Variants in STK3 observed in about 807,000 individuals in gnomAD.
STK3 encodes the protein serine/threonine-protein kinase 3.
STK3 carries 41 observed loss-of-function variants against 58.0 expected under a neutral mutation model. The observed-to-expected ratio is 0.71, with a 90% confidence interval of 0.55 to 0.92. STK3 has a LOEUF of 0.92. Ranked by LOEUF, STK3 falls within the 40% of genes least tolerant of loss-of-function variation. STK3 has a pLI of 0.00. For missense variants in STK3, 479 were observed against 602.7 expected (o/e 0.79, Z 2.15); for synonymous variants, 170 against 191.0 (o/e 0.89, Z 0.91).
intron 1 of STK3, among the ~76,000 whole-genome samples, chr8:98,897,379 A>G (rs891246727): frequency 7.2e-5 from 11 of 152,162 alleles, no homozygotes; most frequent in Non-Finnish European, 1.0e-4. Flanking sequence ...AACACGGTGA[A>G]ACCCTGTCTC....
chr8:98,771,566 C>T lies in STK3; in HGVS notation c.107+3173G>A, dbSNP rs917361675. ...AAGCTTTTATATATACAAACATATA[C>T]GTATCTTTTTTTTTTTGAGACAGAG... On this transcript the variant is annotated intron_variant, in intron 2 of 10. Transcript: ENST00000419617. 9.2e-5 allele frequency among the ~76,000 whole-genome samples: 14 copies of T among 151,748 alleles called. No homozygotes were observed. The East Asian group carries it at 2.3e-3, about 25-fold the overall frequency.
intron 6 of STK3, among the ~76,000 whole-genome samples, chr8:98,683,569 A>T (rs921535274): frequency 6.6e-6 from 1 of 152,154 alleles, no homozygotes; most frequent in African/African-American, 2.4e-5. Context: ...GAAATACGAC[A>T]ACTATATCAA....
chr8:98,477,011 A>T (rs570777616), intron 10 of STK3, among the ~76,000 whole-genome samples: 8 of 152,358 alleles, frequency 5.3e-5, no homozygotes, highest in Non-Finnish European at 1.0e-4. Context: ...CGTGTGAAAG[A>T]CAGCCTCCCT....
At chr8:98,925,364 A>C (rs1253867661) in intron 1 of STK3, among the ~76,000 whole-genome samples, 2 of 152,260 alleles carry the variant, frequency 1.3e-5, no homozygotes, top group Non-Finnish European at 2.9e-5. Context: ...CAATTACTGA[A>C]AATCTAAAGA....
chr8:98,893,462 GAA>G lies in STK3; in HGVS notation c.-78-9630_-78-9629del, dbSNP rs1413348065. Among the ~76,000 whole-genome samples, 388 of 89,744 alleles carry G rather than the reference GAA, an allele frequency of 4.3e-3. 1 individual carries two copies. The highest frequency in any genetic ancestry group is 7.8e-3 in the African/African-American group (151 of 19,302). The allele number at this position is 89,744 out of a possible 152,430, so 58.9% of individuals were successfully genotyped here. On this transcript the variant is annotated intron_variant, in intron 1 of 1. Transcript: ENST00000519420. ...AGAAAGAAAGAAAGAAAGAAAGAAA[GAA>G]AGAAAGAAAGAAAGAAAGAAAGAGA...
intron 3 of STK3, among the ~76,000 whole-genome samples, chr8:98,422,966 C>G (rs989692711): frequency 1.3e-5 from 2 of 152,172 alleles, no homozygotes; most frequent in Non-Finnish European, 2.9e-5. Context: ...TAAAATCTCC[C>G]CAGGTGATTC....
At chr8:98,734,005 A>C (rs1300069079) in intron 4 of STK3, among the ~76,000 whole-genome samples, 1 of 152,150 alleles carries the variant, frequency 6.6e-6, no homozygotes, top group East Asian at 1.9e-4. Flanking sequence ...ATCATGACGG[A>C]AGGGCAAAGG....
At chr8:98,592,530 T>C (rs1402927019) in intron 7 of STK3, among the ~76,000 whole-genome samples, 1 of 152,114 alleles carries the variant, frequency 6.6e-6, no homozygotes, top group Non-Finnish European at 1.5e-5. Context: ...GTTTTTTGTG[T>C]GTTTTTGGGG....
chr8:98,893,704 T>A (rs1435737511), intron 1 of STK3, among the ~76,000 whole-genome samples: 1 of 151,902 alleles, frequency 6.6e-6, no homozygotes, highest in Admixed American at 6.6e-5. Context: ...GAAAGGTGGT[T>A]TTCCTCTGCA....
intron 6 of STK3, among the ~76,000 whole-genome samples, chr8:98,631,398 C>T (rs1587092360): frequency 6.6e-6 from 1 of 152,154 alleles, no homozygotes; most frequent in Admixed American, 6.5e-5. Flanking sequence ...TATCCAGCTC[C>T]AGCCACTTAA....
intron 9 of STK3, among the ~76,000 whole-genome samples, chr8:98,530,440 T>G (rs139024883): frequency 6.6e-6 from 1 of 152,136 alleles, no homozygotes; most frequent in Admixed American, 6.6e-5. Context: ...TGTTTAGGAG[T>G]GACATCAGAA....
At chr8:98,470,175 A>T (rs1035707489) in intron 10 of STK3, among the ~76,000 whole-genome samples, 6 of 152,232 alleles carry the variant, frequency 3.9e-5, no homozygotes, top group African/African-American at 1.2e-4. Flanking sequence ...CCACATGCAA[A>T]GAAATTACCT....
At chr8:98,858,321 TATAGAGAGAGAG>T (rs1174906575) in intron 3 of STK3, among the ~76,000 whole-genome samples, 1 of 31,870 alleles carries the variant, frequency 3.1e-5, no homozygotes, top group Non-Finnish European at 5.6e-5. Context: ...TATATATATA[TATAGAGAGAGAG>T]AGAGAGAGAG....
intron 6 of STK3, among the ~76,000 whole-genome samples, chr8:98,649,056 C>CAAA (rs199732980): frequency 2.2e-5 from 2 of 89,196 alleles, no homozygotes; most frequent in Non-Finnish European, 2.3e-5. Flanking sequence ...GACTCTGTCT[C>CAAA]AAAAAAAAAA....
At chr8:98,864,803 C>T (rs555643831) in intron 3 of STK3, among the ~76,000 whole-genome samples, 16 of 152,324 alleles carry the variant, frequency 1.1e-4, no homozygotes, top group South Asian at 2.1e-4. Flanking sequence ...AAGGCTAATA[C>T]GGTAAACTCT....
At chr8:98,566,807 C>T (rs1038695535) in intron 8 of STK3, among the ~76,000 whole-genome samples, 19 of 152,184 alleles carry the variant, frequency 1.2e-4, no homozygotes, top group African/African-American at 4.1e-4. Context: ...GACCTTTCAT[C>T]CATGAAATAA....
intron 1 of STK3, among the ~76,000 whole-genome samples, chr8:98,777,622 G>A (rs1831787717): frequency 6.6e-6 from 1 of 152,250 alleles, no homozygotes; most frequent in South Asian, 2.1e-4. Flanking sequence ...ACAACATGGT[G>A]TGATGGGCTT....
At chr8:98,498,356 C>G (rs993357156) in intron 10 of STK3, among the ~76,000 whole-genome samples, 1 of 151,950 alleles carries the variant, frequency 6.6e-6, no homozygotes, top group African/African-American at 2.4e-5. Context: ...AGAAGAGATC[C>G]CAGAAGCTAG....
chr8:98,587,864 G>A (rs907261244), intron 7 of STK3, among the ~76,000 whole-genome samples: 4 of 151,958 alleles, frequency 2.6e-5, no homozygotes, highest in Non-Finnish European at 5.9e-5. Context: ...GGCCTTCTTT[G>A]TCTCTTTTGA....
Sources: gnomAD v4.1 joint callset for allele counts (sites outside exome capture counted in the v4.1 genomes callset) on GRCh38, gnomAD v4.1.1 for gene constraint, MANE v1.5 for transcripts, NCBI Gene and HGNC (gene_info 2026-07-23, HGNC 2026-07-21) for gene names.